Variants in GABRA5 observed in about 807,000 individuals in gnomAD.
GABRA5 encodes the protein gamma-aminobutyric acid receptor subunit alpha-5.
Under a neutral mutation model 47.3 loss-of-function variants are expected in GABRA5, and 18 were observed. That is an observed-to-expected ratio of 0.38 (90% confidence interval 0.26 to 0.56). GABRA5 has a LOEUF of 0.56. GABRA5 is among the 20% of genes least tolerant of loss of function. The probability of loss-of-function intolerance (pLI) is 0.71; values close to 1 mark genes in which losing one functional copy is unlikely to be tolerated. For synonymous variants in GABRA5, 237 were observed against 229.3 expected (o/e 1.03, Z -0.30); for missense variants, 365 against 599.3 (o/e 0.61, Z 4.08).
intron 7 of GABRA5, among the ~76,000 whole-genome samples, chr15:26,924,678 C>T (rs1438555804): frequency 6.6e-6 from 1 of 152,174 alleles, no homozygotes; most frequent in Non-Finnish European, 1.5e-5. Context: ...GTCTGTTCAG[C>T]ATTTGCTAGC....
chr15:26,901,950 A>T (rs942430488), intron 6 of GABRA5, among the ~76,000 whole-genome samples: 1 of 151,868 alleles, frequency 6.6e-6, no homozygotes, highest in Admixed American at 6.6e-5. Context: ...GTCAAATATC[A>T]GTTGGCTGTA....
intron 6 of GABRA5, among the ~76,000 whole-genome samples, chr15:26,913,299 G>A (rs754002614): frequency 1.8e-4 from 28 of 151,990 alleles, no homozygotes; most frequent in Admixed American, 7.9e-4. Flanking sequence ...GAAACCTTCC[G>A]TCAAAAGTTG....
Position 26,948,291 on chromosome 15 carries a change from GA to G in GABRA5, c.*59del. The G allele has an allele frequency of 6.5e-7, 1 of 1,543,370 alleles. No homozygotes were observed. The highest frequency in any genetic ancestry group is 8.8e-7 in the Non-Finnish European group (1 of 1,137,624). ...ACTTCCAGCGAAATGGTACCAAGGA[GA>G]GGTCTTGCTCACAGGGACTCTCCAT... On this transcript the variant is annotated 3_prime_UTR_variant, in exon 11 of 11. Transcript: ENST00000335625.
intron 7 of GABRA5, among the ~76,000 whole-genome samples, chr15:26,920,369 C>T (rs528376997): frequency 6.6e-6 from 1 of 151,946 alleles, no homozygotes; most frequent in Admixed American, 6.6e-5. Flanking sequence ...ATCTTTCCTT[C>T]TACTTGATCT....
intron 7 of GABRA5, among the ~76,000 whole-genome samples, chr15:26,928,059 T>C (rs1283640665): frequency 6.6e-6 from 1 of 152,232 alleles, no homozygotes; most frequent in African/African-American, 2.4e-5. Context: ...AAAATATATT[T>C]AGATTATGTC....
intron 6 of GABRA5, among the ~76,000 whole-genome samples, chr15:26,890,969 A>G (rs934476188): frequency 1.3e-5 from 2 of 152,204 alleles, no homozygotes; most frequent in African/African-American, 4.8e-5. Context: ...GGTTTCTGCC[A>G]ATTTAATAAA....
At chr15:26,895,106 C>T (rs867278995) in intron 6 of GABRA5, among the ~76,000 whole-genome samples, 2 of 152,090 alleles carry the variant, frequency 1.3e-5, no homozygotes, top group East Asian at 2.0e-4. Flanking sequence ...TTTCTCTACC[C>T]GGGGGCACAA....
chr15:26,938,043 T>C (rs1894289439), intron 8 of GABRA5, among the ~76,000 whole-genome samples: 2 of 152,214 alleles, frequency 1.3e-5, no homozygotes, highest in African/African-American at 4.8e-5. Flanking sequence ...GAGGGGGCCC[T>C]GATGGCAGAA....
chr15:26,940,888 A>G (rs899302618), intron 9 of GABRA5, among the ~76,000 whole-genome samples: 7 of 152,248 alleles, frequency 4.6e-5, no homozygotes, highest in Admixed American at 1.3e-4. Flanking sequence ...AGATTCAGGA[A>G]GATACTAAAG....
intron 7 of GABRA5, among the ~76,000 whole-genome samples, chr15:26,926,853 T>C (rs1366073499): frequency 6.6e-6 from 1 of 152,146 alleles, no homozygotes; most frequent in African/African-American, 2.4e-5. Context: ...AAAGTAAGTT[T>C]TGGTAAAGAA....
intron 7 of GABRA5, among the ~76,000 whole-genome samples, chr15:26,936,720 G>A (rs967901732): frequency 5.3e-5 from 8 of 152,180 alleles, no homozygotes; most frequent in South Asian, 2.1e-4. Flanking sequence ...GAATGCGGCC[G>A]GGCGCTGCTT....
At chr15:26,878,129 G>A (rs188820821) in intron 3 of GABRA5, among the ~76,000 whole-genome samples, 23 of 152,278 alleles carry the variant, frequency 1.5e-4, no homozygotes, top group East Asian at 1.9e-4. Flanking sequence ...GGACTCATCC[G>A]TCACACGCTG....
chr15:26,900,651 T>A (rs1893305801), intron 6 of GABRA5, among the ~76,000 whole-genome samples: 1 of 151,902 alleles, frequency 6.6e-6, no homozygotes, highest in African/African-American at 2.4e-5. Context: ...TCCTTACACA[T>A]CCCCAACCAG....
intron 10 of GABRA5, among the ~76,000 whole-genome samples, chr15:26,947,482 T>C (rs1193601432): frequency 6.6e-6 from 1 of 152,198 alleles, no homozygotes; most frequent in Non-Finnish European, 1.5e-5. Flanking sequence ...GTTAGTTTGC[T>C]AAAGATAATG....
intron 6 of GABRA5, among the ~76,000 whole-genome samples, chr15:26,909,080 G>C (rs918148379): frequency 1.3e-5 from 2 of 152,136 alleles, no homozygotes; most frequent in East Asian, 3.9e-4. Context: ...GTCTGGAATG[G>C]GTCTTGTGTG....
chr15:26,928,435 C>T (rs1397000645), intron 7 of GABRA5, among the ~76,000 whole-genome samples: 8 of 152,074 alleles, frequency 5.3e-5, no homozygotes, highest in Admixed American at 2.0e-4. Flanking sequence ...CACGTTGATG[C>T]GTTAGTTACC....
At chr15:26,875,804 AG>A (rs938041066) in intron 3 of GABRA5, among the ~76,000 whole-genome samples, 2 of 152,106 alleles carry the variant, frequency 1.3e-5, no homozygotes, top group Non-Finnish European at 2.9e-5. Context: ...TTTATCTGGA[AG>A]GGCAGAGAGG....
intron 9 of GABRA5, among the ~76,000 whole-genome samples, chr15:26,941,584 G>C (rs952372112): frequency 3.3e-5 from 5 of 152,136 alleles, no homozygotes; most frequent in Non-Finnish European, 7.3e-5. Flanking sequence ...TGCTGTGCTG[G>C]TCTCCTGGGA....
chr15:26,900,269 A>G (rs1187778549), intron 6 of GABRA5, among the ~76,000 whole-genome samples: 1 of 151,996 alleles, frequency 6.6e-6, no homozygotes, highest in Non-Finnish European at 1.5e-5. Flanking sequence ...TACAATTATT[A>G]TTTTATGCAT....
Sources: allele counts gnomAD v4.1 joint callset (sites outside exome capture counted in the v4.1 genomes callset), GRCh38; gene constraint gnomAD v4.1.1; transcripts MANE v1.5; gene names NCBI Gene and HGNC (gene_info 2026-07-23, HGNC 2026-07-21).